Variants in U2SURP observed in about 807,000 individuals in gnomAD.
The protein encoded by U2SURP is U2 snRNP associated SURP domain containing.
In U2SURP, 9 loss-of-function variants were observed where a neutral mutation model predicts 144.9. The ratio of observed to expected loss-of-function variants is 0.06; its 90% CI spans 0.04 to 0.11. U2SURP has a LOEUF of 0.11. Among genes scored for constraint, U2SURP ranks in the 10% least tolerant of loss-of-function variants. The pLI is 1.00. For synonymous variants in U2SURP, 408 were observed against 396.8 expected, an observed-to-expected ratio of 1.03 and a Z score of -0.33; for missense variants, 724 against 1,226.7, an observed-to-expected ratio of 0.59 and a Z score of 6.12.
At chr3:143,050,139 T>A (rs981068764) in intron 24 of U2SURP, among the ~76,000 whole-genome samples, 1 of 152,050 alleles carries the variant, frequency 6.6e-6, no homozygotes, top group African/African-American at 2.4e-5. Flanking sequence ...AATGGTGCCA[T>A]CTCGGCTCAC....
intron 10 of U2SURP, 105 bp from the exon 11 acceptor site, chr3:143,022,392 C>CGTT: frequency 3.7e-6 from 4 of 1,075,492 alleles, no homozygotes; most frequent in Non-Finnish European, 5.1e-6. Context: ...AATTGAAGCA[C>CGTT]GTTGCTATGT....
In U2SURP at chr3:143,014,871, T is replaced by G. The variant is rs180827652; in HGVS notation, c.321+462T>G. Among the ~76,000 whole-genome samples the G allele has an allele frequency of 8.5e-5, 13 of 152,194 alleles. No homozygotes were observed. The East Asian group carries it at 2.5e-3, about 29-fold the overall frequency. On this transcript the variant is annotated intron_variant, in intron 4 of 27. Transcript: ENST00000473835. ...TAAAATTCTATCGAGGGCATTTATGTTTTGTTCTTTTGCCATTAAAAGTAA... is the reference window on the plus strand; with the variant it reads ...TAAAATTCTATCGAGGGCATTTATGGTTTGTTCTTTTGCCATTAAAAGTAA...
intron 18 of U2SURP, chr3:143,034,636 G>A (rs920465721): frequency 2.1e-5 from 6 of 287,704 alleles, no homozygotes; most frequent in Non-Finnish European, 3.9e-5. Flanking sequence ...GCATATCCTA[G>A]ATATAACGTT....
At chr3:143,047,204 C>T (rs1191264654) in intron 24 of U2SURP, among the ~76,000 whole-genome samples, 3 of 87,700 alleles carry the variant, frequency 3.4e-5, no homozygotes, top group South Asian at 3.9e-4. Flanking sequence ...CCGGACGGGG[C>T]GGCCGGCCAG....
chr3:143,036,375 TAAGC>T (rs34967702), intron 20 of U2SURP, among the ~76,000 whole-genome samples: 90,470 of 151,410 alleles, frequency 0.6, 27,241 homozygotes, highest in East Asian at 0.69. Flanking sequence ...TAGTAGAAAA[TAAGC>T]AAGTAATAGA....
rs962703194 is a variant in U2SURP at position 143,058,859 on chromosome 3, C to G, written c.*2409C>G. On this transcript the variant is annotated 3_prime_UTR_variant, in exon 28 of 28. Transcript: ENST00000473835. ...TTCCAGTTGCAGGAAAGATCATGTT[C>G]TATCTGTGGACACTTACTGTCCTCT... 1 of 151,884 alleles carries G rather than the reference C, an allele frequency of 6.6e-6. No individual in the cohort carries two copies. The highest frequency in any genetic ancestry group is 1.9e-4 in the East Asian group (1 of 5,196). The allele number at this position is 151,884 out of a possible 1,614,324, so 9.4% of individuals were successfully genotyped here. A position where few individuals can be genotyped will look rare whatever the true frequency, so the allele number is the denominator to read the frequency against.
At chr3:143,043,352 C>A in intron 24 of U2SURP, 76 bp downstream of exon 24, 1 of 1,444,674 alleles carries the variant, frequency 6.9e-7, no homozygotes, top group Non-Finnish European at 9.4e-7. Flanking sequence ...TGCCTCTTTG[C>A]ATTGTACCGT....
chr3:143,021,608 A>G (rs1578130117), intron 10 of U2SURP, 53 bp downstream of exon 10: 2 of 1,518,614 alleles, frequency 1.3e-6, no homozygotes, highest in African/African-American at 2.8e-5. Flanking sequence ...TTTTGGAAGA[A>G]AGCTTTGTTA....
At chr3:143,017,000 C>T (rs984031417) in intron 6 of U2SURP, 25 bp downstream of exon 6, 2 of 1,547,000 alleles carry the variant, frequency 1.3e-6, no homozygotes, top group Non-Finnish European at 1.7e-6. Context: ...AGTAATTGAC[C>T]ATTTATGTTC....
rs1311106924 is a variant in U2SURP at position 143,060,156 on chromosome 3, A to G, written c.*3706A>G. ...ATTGGTAATTTGTATAGTTTTGTAGATTGTAGATTAAATGCACTCATCATG... is the reference window on the plus strand; with the variant it reads ...ATTGGTAATTTGTATAGTTTTGTAGGTTGTAGATTAAATGCACTCATCATG... On this transcript the variant is annotated 3_prime_UTR_variant, in exon 28 of 28. Transcript: ENST00000473835. 1 of 152,392 alleles carries G rather than the reference A, an allele frequency of 6.6e-6. No individual in the cohort carries two copies. The allele number at this position is 152,392 out of a possible 1,614,324, so 9.4% of individuals were successfully genotyped here. A position where few individuals can be genotyped will look rare whatever the true frequency, so the allele number is the denominator to read the frequency against.
chr3:143,001,778 C>T, intron 1 of U2SURP, 105 bp downstream of exon 1: 1 of 1,463,418 alleles, frequency 6.8e-7, no homozygotes, highest in South Asian at 1.2e-5. Context: ...GGTCTGCATT[C>T]TAGTCGCGAC....
At chr3:143,052,950 G>GGT (rs1553847314) in intron 25 of U2SURP, among the ~76,000 whole-genome samples, 5 of 132,926 alleles carry the variant, frequency 3.8e-5, no homozygotes, top group Middle Eastern at 4.0e-3. Flanking sequence ...AAATGTGTTG[G>GGT]TTTTTTTTTT....
chr3:143,050,920 A>T lies in U2SURP; in HGVS notation c.2545-19A>T, dbSNP rs1434403808. On this transcript the variant is annotated intron_variant, in intron 24 of 27. Transcript: ENST00000473835. ...TAGAATGATGAAAATGCTTATTTTT[A>T]AAATATTTTATTTCACAGCTCAAAG... is the stretch of plus-strand genomic sequence containing the variant. The T allele has an allele frequency of 2.6e-6, 4 of 1,516,676 alleles. No homozygotes were observed. Among genetic ancestry groups the T allele is most frequent in the Non-Finnish European group, 3.6e-6 (4 of 1,106,876 alleles). 94.0% of individuals were successfully genotyped at this position (1,516,676 alleles called of 1,614,324 possible).
At position 143,056,296 on chromosome 3, in the gene U2SURP, T is replaced by C; in HGVS notation, c.2952-16T>C. The stretch of plus-strand genomic sequence containing the variant: ...GAGTACTTTATCAATTGGGATTTTT[T>C]TGTTTGTTTCCTTAGATCACCATCT... On this transcript the variant is annotated splice_polypyrimidine_tract_variant and intron_variant, in intron 27 of 27. Coordinates refer to ENST00000473835, the MANE Select transcript of U2SURP (RefSeq NM_001080415.2). 7 of 1,587,022 alleles carry C rather than the reference T, an allele frequency of 4.4e-6. No individual in the cohort carries two copies. Among genetic ancestry groups the C allele is most frequent in the Non-Finnish European group, 6.0e-6 (7 of 1,165,950 alleles).
At chr3:143,035,878 G>A (rs1933784474) in intron 19 of U2SURP, 104 bp from the exon 20 acceptor site, 1 of 1,290,816 alleles carries the variant, frequency 7.7e-7, no homozygotes, top group Admixed American at 3.1e-5. Context: ...AAAAACATCA[G>A]TTTAAAGGCA....
chr3:143,017,927 A>T (rs1456930040), intron 6 of U2SURP, among the ~76,000 whole-genome samples: 3 of 151,430 alleles, frequency 2.0e-5, no homozygotes, highest in Admixed American at 2.0e-4. Flanking sequence ...TTATCCTTTT[A>T]AAGTATACAG....
chr3:143,012,141 C>A, intron 2 of U2SURP, 81 bp from the exon 3 acceptor site: 1 of 1,492,324 alleles, frequency 6.7e-7, no homozygotes, highest in Non-Finnish European at 9.2e-7. Context: ...CAATATCTGG[C>A]ATGGCTTATT....
chr3:143,013,682 A>G (rs1936223735), intron 3 of U2SURP, among the ~76,000 whole-genome samples: 1 of 152,120 alleles, frequency 6.6e-6, no homozygotes, highest in South Asian at 2.1e-4. Context: ...TCTAAGTTAC[A>G]TAAATGAAGA....
chr3:143,025,253 A>G (rs1933067436), intron 13 of U2SURP, among the ~76,000 whole-genome samples: 1 of 152,214 alleles, frequency 6.6e-6, no homozygotes, highest in Non-Finnish European at 1.5e-5. Context: ...GTATTTTTGT[A>G]GCATTCAAAA....
Sources: gnomAD v4.1 joint callset for allele counts (sites outside exome capture counted in the v4.1 genomes callset) on GRCh38, gnomAD v4.1.1 for gene constraint, MANE v1.5 for transcripts, NCBI Gene and HGNC (gene_info 2026-07-23, HGNC 2026-07-21) for gene names.